ZFHX3: variants seen among roughly 807,000 people sequenced by gnomAD.
ZFHX3 encodes zinc finger homeobox protein 3.
A neutral mutation model predicts 279.1 loss-of-function variants in ZFHX3; 42 were observed. The observed-to-expected ratio is 0.15, with a 90% confidence interval of 0.12 to 0.19. The LOEUF (loss-of-function observed/expected upper bound fraction) is 0.19, where lower values mean the gene tolerates loss of function less well. Ranked by LOEUF, ZFHX3 falls within the 10% of genes least tolerant of loss-of-function variation. The pLI is 1.00. For missense variants in ZFHX3, 4,981 were observed against 4,754.0 expected (o/e 1.05, Z -1.40); for synonymous variants, 2,293 against 1,957.8 (o/e 1.17, Z -4.52).
intron 1 of ZFHX3, among the ~76,000 whole-genome samples, chr16:73,694,759 G>A (rs1398792222): frequency 1.3e-5 from 2 of 152,218 alleles, no homozygotes; most frequent in African/African-American, 2.4e-5. Context: ...GAATATGAAT[G>A]TCTCTCAATG....
At chr16:73,536,771 G>A (rs980233275) in intron 2 of ZFHX3, among the ~76,000 whole-genome samples, 10 of 152,064 alleles carry the variant, frequency 6.6e-5, no homozygotes, top group Non-Finnish European at 1.0e-4. Context: ...ACGAGAGTCC[G>A]GATTTGTCAG....
chr16:73,119,717 C>T (rs1261624044), intron 7 of ZFHX3, among the ~76,000 whole-genome samples: 2 of 152,308 alleles, frequency 1.3e-5, no homozygotes, highest in East Asian at 3.9e-4. Context: ...TGGGGTCTTG[C>T]TCTATCCCCC....
chr16:73,464,095 C>G (rs548370339), intron 2 of ZFHX3, among the ~76,000 whole-genome samples: 1 of 152,022 alleles, frequency 6.6e-6, no homozygotes, highest in South Asian at 2.1e-4. Context: ...CTCCTAAGTG[C>G]CTTTGCTTAG....
chr16:73,498,463 T>C (rs2019179043), intron 2 of ZFHX3, among the ~76,000 whole-genome samples: 1 of 152,210 alleles, frequency 6.6e-6, no homozygotes, highest in African/African-American at 2.4e-5. Context: ...CACACATCAA[T>C]GAAAAATGTC....
chr16:73,862,632 C>T (rs1017370230), intron 1 of ZFHX3, among the ~76,000 whole-genome samples: 5 of 152,016 alleles, frequency 3.3e-5, no homozygotes, highest in African/African-American at 1.2e-4. Flanking sequence ...TAAAAGTAGC[C>T]AGGTGTGGTG....
intron 2 of ZFHX3, among the ~76,000 whole-genome samples, chr16:73,510,636 A>G (rs940662811): frequency 2.6e-5 from 4 of 152,222 alleles, no homozygotes; most frequent in Admixed American, 2.0e-4. Context: ...CCAAAGGGAG[A>G]AATCTGTATC....
intron 2 of ZFHX3, among the ~76,000 whole-genome samples, chr16:73,465,399 G>A (rs988177301): frequency 6.6e-6 from 1 of 152,158 alleles, no homozygotes; most frequent in Non-Finnish European, 1.5e-5. Flanking sequence ...GGTGGGCCAG[G>A]CAGGAGGGAC....
chr16:73,139,546 T>C (rs980206136), intron 6 of ZFHX3, among the ~76,000 whole-genome samples: 4 of 152,206 alleles, frequency 2.6e-5, no homozygotes, highest in African/African-American at 9.6e-5. Context: ...AGAACAGCCT[T>C]GGTTAATGGT....
At chr16:73,151,135 C>T (rs1966930890) in intron 5 of ZFHX3, among the ~76,000 whole-genome samples, 1 of 152,172 alleles carries the variant, frequency 6.6e-6, no homozygotes, top group African/African-American at 2.4e-5. Context: ...CACAAAAATT[C>T]ATAGAGACAG....
chr16:73,569,404 C>G (rs1398394260), intron 2 of ZFHX3, among the ~76,000 whole-genome samples: 3 of 147,824 alleles, frequency 2.0e-5, no homozygotes, highest in South Asian at 4.3e-4. Flanking sequence ...TTTAATTTCT[C>G]TCCCCTGCCC....
chr16:72,967,008 T>C (rs1961874124), intron 1 of ZFHX3, among the ~76,000 whole-genome samples: 1 of 152,184 alleles, frequency 6.6e-6, no homozygotes, highest in African/African-American at 2.4e-5. Flanking sequence ...GGGTGTTATC[T>C]ATGGGCTTGT....
At chr16:73,413,955 T>G (rs1262872238) in intron 3 of ZFHX3, among the ~76,000 whole-genome samples, 1 of 152,220 alleles carries the variant, frequency 6.6e-6, no homozygotes, top group Admixed American at 6.5e-5. Context: ...TTCAAAGTTT[T>G]TATGCCTCCC....
intron 1 of ZFHX3, among the ~76,000 whole-genome samples, chr16:73,728,016 C>CCCCG (rs33921286): frequency 7.3e-4 from 3 of 4,130 alleles, no homozygotes; most frequent in Non-Finnish European, 1.5e-3. Flanking sequence ...CCGAATTGTG[C>CCCCG]CCCCCCCCCG....
At chr16:73,576,264 C>G (rs1187079793) in intron 2 of ZFHX3, among the ~76,000 whole-genome samples, 1 of 152,164 alleles carries the variant, frequency 6.6e-6, no homozygotes, top group Admixed American at 6.5e-5. Context: ...AATCAAGAGC[C>G]TTCATCAACT....
At chr16:73,654,599 A>G (rs2052703746) in intron 2 of ZFHX3, among the ~76,000 whole-genome samples, 1 of 152,252 alleles carries the variant, frequency 6.6e-6, no homozygotes, top group South Asian at 2.1e-4. Context: ...CAGCAATTTA[A>G]AAAGGTAATA....
chr16:73,158,366 A>C (rs1967148043), intron 5 of ZFHX3, among the ~76,000 whole-genome samples: 1 of 152,210 alleles, frequency 6.6e-6, no homozygotes, highest in African/African-American at 2.4e-5. Context: ...AGTGCAAAGT[A>C]ATAAAACTAA....
intron 7 of ZFHX3, among the ~76,000 whole-genome samples, chr16:73,100,271 C>A (rs140299381): frequency 1.2e-4 from 18 of 152,278 alleles, no homozygotes; most frequent in African/African-American, 3.1e-4. Flanking sequence ...AGGGATGACC[C>A]TGACATACTC....
intron 2 of ZFHX3, among the ~76,000 whole-genome samples, chr16:73,506,649 T>A (rs903766186): frequency 1.3e-5 from 2 of 152,154 alleles, no homozygotes; most frequent in African/African-American, 4.8e-5. Context: ...CTTCACCACA[T>A]GTAGCCCTGA....
chr16:73,355,201 T>A (rs1416482354), intron 3 of ZFHX3, among the ~76,000 whole-genome samples: 6 of 152,196 alleles, frequency 3.9e-5, no homozygotes, highest in Non-Finnish European at 8.8e-5. Context: ...GGAACAGAGC[T>A]GGGCTCAAAG....
Sources: gnomAD v4.1 joint callset for allele counts (sites outside exome capture counted in the v4.1 genomes callset) on GRCh38, gnomAD v4.1.1 for gene constraint, MANE v1.5 for transcripts, NCBI Gene and HGNC (gene_info 2026-07-23, HGNC 2026-07-21) for gene names.